PLPP3: variants seen among roughly 807,000 people sequenced by gnomAD.
PLPP3 encodes the protein phospholipid phosphatase 3.
A neutral mutation model predicts 29.6 loss-of-function variants in PLPP3; 6 were observed. The observed-to-expected ratio is 0.20, with a 90% confidence interval of 0.11 to 0.40. PLPP3 has a LOEUF of 0.40. Among genes scored for constraint, PLPP3 ranks in the 10% least tolerant of loss-of-function variants. The pLI is 1.00. For synonymous variants in PLPP3, 152 were observed against 159.7 expected (o/e 0.95, Z 0.36); for missense variants, 308 against 407.7 (o/e 0.76, Z 2.11).
chr1:56,557,008 A>AAGAGAGAG lies in PLPP3; in HGVS notation c.140-19904_140-19897dup, dbSNP rs776934339. On this transcript the variant is annotated intron_variant, in intron 1 of 5. Transcript: ENST00000371250. ...AAAGAAAGAAAGAAAGAAAGAAAGA[A>AAGAGAGAG]AGAGAGAGAGAGAGAGAAAGAGAGA... Among the ~76,000 whole-genome samples the AAGAGAGAG allele has an allele frequency of 1.1e-3, 15 of 13,748 alleles. 3 individuals are homozygous for AAGAGAGAG. In the Middle Eastern group the frequency reaches 0.11, roughly 98 times the overall value. The allele number at this position is 13,748 out of a possible 152,430, so 9.0% of individuals were successfully genotyped here.
At chr1:56,518,918 T>A (rs559159401) in intron 4 of PLPP3, among the ~76,000 whole-genome samples, 97 of 151,572 alleles carry the variant, frequency 6.4e-4, no homozygotes, top group Non-Finnish European at 1.1e-3. Flanking sequence ...TGGTGAGACG[T>A]AAGGCTGCAA....
At chr1:56,498,317 C>T (rs1375254438) in intron 5 of PLPP3, among the ~76,000 whole-genome samples, 1 of 152,200 alleles carries the variant, frequency 6.6e-6, no homozygotes, top group African/African-American at 2.4e-5. Flanking sequence ...CTAGGCTCCC[C>T]TGCCAGAAAA....
chr1:56,528,227 A>G (rs559297094), intron 2 of PLPP3, among the ~76,000 whole-genome samples: 2 of 152,318 alleles, frequency 1.3e-5, no homozygotes, highest in East Asian at 3.9e-4. Context: ...AAGCATTGCA[A>G]TTAAGCTACA....
intron 4 of PLPP3, chr1:56,513,603 A>G (rs1472446677): frequency 1.3e-5 from 2 of 152,204 alleles, no homozygotes; most frequent in Non-Finnish European, 2.9e-5. Flanking sequence ...AGTGTCTAGG[A>G]CTGAATCCTC....
intron 2 of PLPP3, among the ~76,000 whole-genome samples, chr1:56,535,606 A>G (rs1457794400): frequency 6.6e-6 from 1 of 152,180 alleles, no homozygotes; most frequent in East Asian, 1.9e-4. Context: ...TCTCAATAGC[A>G]CATTTTTTTC....
intron 1 of PLPP3, among the ~76,000 whole-genome samples, chr1:56,542,583 A>T (rs1645977805): frequency 6.6e-6 from 1 of 152,168 alleles, no homozygotes; most frequent in Non-Finnish European, 1.5e-5. Flanking sequence ...TAGTCATTAT[A>T]AAATACGTGA....
At chr1:56,576,814 G>A (rs969972649) in intron 1 of PLPP3, among the ~76,000 whole-genome samples, 1 of 152,190 alleles carries the variant, frequency 6.6e-6, no homozygotes. Context: ...GCACACACAT[G>A]CATGCATGCA....
At chr1:56,502,960 T>C (rs973450550) in intron 5 of PLPP3, among the ~76,000 whole-genome samples, 1 of 152,222 alleles carries the variant, frequency 6.6e-6, no homozygotes, top group Non-Finnish European at 1.5e-5. Flanking sequence ...TCTACCATAC[T>C]GAACAATCTC....
intron 5 of PLPP3, among the ~76,000 whole-genome samples, chr1:56,507,798 C>T (rs1031762379): frequency 5.9e-5 from 9 of 152,020 alleles, no homozygotes; most frequent in Non-Finnish European, 8.8e-5. Flanking sequence ...GGCAAAAGGA[C>T]AAAAGTCACA....
Position 56,552,909 on chromosome 1 carries a change from G to A in PLPP3, c.140-15797C>T, listed in dbSNP as rs141353324. Among the ~76,000 whole-genome samples the A allele has an allele frequency of 2.7e-3, 416 of 152,278 alleles. 3 individuals are homozygous for A. The highest frequency in any genetic ancestry group is 9.4e-3 in the African/African-American group (390 of 41,542). The stretch of plus-strand genomic sequence containing the variant: ...CCCTCTGTGCAGCAGAAAAAGTCCT[G>A]GGCTGGGGGTCTCAGGAGTTCAAGG... On this transcript the variant is annotated intron_variant, in intron 1 of 5. Coordinates refer to ENST00000371250, the MANE Select transcript of PLPP3 (RefSeq NM_003713.5).
intron 5 of PLPP3, among the ~76,000 whole-genome samples, chr1:56,503,083 G>GTT (rs374851821): frequency 2.0e-5 from 3 of 149,724 alleles, no homozygotes; most frequent in Non-Finnish European, 3.0e-5. Context: ...TTTGGCAGCC[G>GTT]TTTTTTTTTT....
At chr1:56,557,018 G>A (rs1480221902) in intron 1 of PLPP3, among the ~76,000 whole-genome samples, 798 of 13,192 alleles carry the variant, frequency 0.06, 88 homozygotes, top group Middle Eastern at 0.11. Flanking sequence ...AAGAGAGAGA[G>A]AGAGAGAAAG....
chr1:56,541,201 G>A (rs570773862), intron 1 of PLPP3, among the ~76,000 whole-genome samples: 6 of 152,138 alleles, frequency 3.9e-5, no homozygotes, highest in African/African-American at 1.4e-4. Context: ...TAAGTAGGAG[G>A]GGTTTCTAGA....
At chr1:56,557,674 T>C (rs1237821532) in intron 1 of PLPP3, among the ~76,000 whole-genome samples, 4 of 152,136 alleles carry the variant, frequency 2.6e-5, no homozygotes, top group Admixed American at 6.5e-5. Flanking sequence ...CCATGGATCA[T>C]TTCCCTTTTC....
At chr1:56,573,195 T>A (rs965321819) in intron 1 of PLPP3, among the ~76,000 whole-genome samples, 2 of 152,354 alleles carry the variant, frequency 1.3e-5, no homozygotes, top group African/African-American at 4.8e-5. Context: ...GCAACTTCAA[T>A]TACATAGAGT....
chr1:56,579,465 G>GCCTCCT lies in PLPP3; in HGVS notation c.-455_-450dup, dbSNP rs534837578. 2.0e-4 allele frequency: 35 copies of GCCTCCT among 178,002 alleles called. No individual in the cohort carries two copies. The East Asian group carries it at 4.7e-3, about 24-fold the overall frequency. 11.0% of individuals were successfully genotyped at this position (178,002 alleles called of 1,614,324 possible). A position where few individuals can be genotyped will look rare whatever the true frequency, so the allele number is the denominator to read the frequency against. Reference sequence around the variant, plus strand: ...GAGCGCCAGCCCCAACTCTAACTTTGCCTCCTCCTCCTCCTCCTCCTCCGG... The same window carrying GCCTCCT: ...GAGCGCCAGCCCCAACTCTAACTTTGCCTCCTCCTCCTCCTCCTCCTCCTCCTCCGG... On this transcript the variant is annotated 5_prime_UTR_variant, in exon 1 of 6. Coordinates refer to ENST00000371250, the MANE Select transcript of PLPP3 (RefSeq NM_003713.5).
intron 2 of PLPP3, among the ~76,000 whole-genome samples, chr1:56,530,109 T>TC (rs1251496790): frequency 6.7e-6 from 1 of 149,164 alleles, no homozygotes; most frequent in Non-Finnish European, 1.5e-5. Context: ...AACCTCTTAC[T>TC]CTTTTTTTTT....
At chr1:56,553,015 T>C (rs1038565247) in intron 1 of PLPP3, among the ~76,000 whole-genome samples, 1 of 152,178 alleles carries the variant, frequency 6.6e-6, no homozygotes, top group African/African-American at 2.4e-5. Context: ...TAGCTGGTCA[T>C]GTCCCAAAGC....
intron 1 of PLPP3, among the ~76,000 whole-genome samples, chr1:56,548,199 C>G (rs1311543066): frequency 6.6e-6 from 1 of 152,212 alleles, no homozygotes; most frequent in Non-Finnish European, 1.5e-5. Flanking sequence ...GCACACTCCC[C>G]ATTCCCAGTC....
Sources: allele counts gnomAD v4.1 joint callset (sites outside exome capture counted in the v4.1 genomes callset), GRCh38; gene constraint gnomAD v4.1.1; transcripts MANE v1.5; gene names NCBI Gene and HGNC (gene_info 2026-07-23, HGNC 2026-07-21).